PIGL: variants seen among roughly 807,000 people sequenced by gnomAD.
PIGL encodes N-acetylglucosaminyl-phosphatidylinositol de-N-acetylase.
A neutral mutation model predicts 31.1 loss-of-function variants in PIGL; 22 were observed. The ratio of observed to expected loss-of-function variants is 0.71; its 90% CI spans 0.51 to 1.01. The LOEUF (loss-of-function observed/expected upper bound fraction) is 1.01, where lower values mean the gene tolerates loss of function less well. PIGL is among the 50% of genes least tolerant of loss of function. The pLI is 0.00. For synonymous variants in PIGL, 131 were observed against 117.4 expected, an observed-to-expected ratio of 1.12 and a Z score of -0.75; for missense variants, 302 against 315.9, an observed-to-expected ratio of 0.96 and a Z score of 0.33.
In PIGL at chr17:16,231,543, A is replaced by AT. The variant is rs372107300; in HGVS notation, c.236-2419dup. Among the ~76,000 whole-genome samples, 1,039 of 151,358 alleles carry AT rather than the reference A, an allele frequency of 6.9e-3. 15 individuals carry two copies. The highest frequency in any genetic ancestry group is 0.023 in the African/African-American group (950 of 41,352). ...ACATGAGCCACTATGCCCAGCTTTGATTTTTTTTTAACCATATAAATCTAT... is the reference window on the plus strand; with the variant it reads ...ACATGAGCCACTATGCCCAGCTTTGATTTTTTTTTTAACCATATAAATCTAT... On this transcript the variant is annotated intron_variant, in intron 1 of 6. Transcript: ENST00000225609.
intron 5 of PIGL, 169 bp from the exon 6 acceptor site, chr17:16,317,605 CT>C: frequency 7.0e-7 from 1 of 1,425,464 alleles, no homozygotes; most frequent in Non-Finnish European, 9.2e-7. Flanking sequence ...CTCGTTCTAG[CT>C]GCAAGAATCA....
chr17:16,316,215 T>G (rs1195756969), intron 4 of PIGL, among the ~76,000 whole-genome samples: 1 of 152,068 alleles, frequency 6.6e-6, no homozygotes, highest in Non-Finnish European at 1.5e-5. Context: ...CAGTTGACAC[T>G]CCCCTCCTCT....
chr17:16,326,107 C>A lies in PIGL; in HGVS notation c.*209C>A. On this transcript the variant is annotated 3_prime_UTR_variant, in exon 7 of 7. Coordinates refer to ENST00000225609, the MANE Select transcript of PIGL (RefSeq NM_004278.4). The stretch of plus-strand genomic sequence containing the variant: ...AACCCAAAGAACCAAAAACAAACCA[C>A]CCCAAGGATAATAATAGCTACACTG... The A allele has an allele frequency of 1.8e-6, 1 of 559,778 alleles. No individual in the cohort carries two copies. Among genetic ancestry groups the A allele is most frequent in the Non-Finnish European group, 3.2e-6 (1 of 316,648 alleles). 34.7% of individuals were successfully genotyped at this position (559,778 alleles called of 1,614,324 possible).
intron 2 of PIGL, among the ~76,000 whole-genome samples, chr17:16,260,126 G>T (rs1177967473): frequency 6.6e-6 from 1 of 152,192 alleles, no homozygotes; most frequent in Non-Finnish European, 1.5e-5. Context: ...CCGAGGGGGT[G>T]CTGAGGGCAG....
At chr17:16,282,665 C>A (rs1314993720) in intron 2 of PIGL, among the ~76,000 whole-genome samples, 3 of 152,158 alleles carry the variant, frequency 2.0e-5, no homozygotes, top group East Asian at 1.9e-4. Context: ...AGGAAGGTAT[C>A]CTCCTCAAAC....
At chr17:16,246,670 G>GTC (rs2092748930) in intron 2 of PIGL, among the ~76,000 whole-genome samples, 1 of 106,536 alleles carries the variant, frequency 9.4e-6, no homozygotes, top group Non-Finnish European at 2.0e-5. Context: ...CCAGATCAAG[G>GTC]TCTTTTTTTT....
chr17:16,317,867 G>A lies in PIGL; in HGVS notation c.619G>A (p.Val207Ile). ...CTTGTCTCTGCTTCATACGCAGGATGTCCTCTTCGTGCTCAACAGCAAAGA... is the reference window on the plus strand; with the variant it reads ...CTTGTCTCTGCTTCATACGCAGGATATCCTCTTCGTGCTCAACAGCAAAGA... ...LPLSLLHTQD[V>I]LFVLNSKEVA... The change falls in exon 6 of 7, where the codon GTC (valine) becomes ATC (isoleucine). Residue 207 changes from valine (V) to isoleucine (I), a missense_variant. Transcript: ENST00000225609. 1 of 1,614,014 alleles carries A rather than the reference G, an allele frequency of 6.2e-7. No individual in the cohort carries two copies. Among genetic ancestry groups the A allele is most frequent in the Non-Finnish European group, 8.5e-7 (1 of 1,180,040 alleles).
chr17:16,299,130 C>T (rs1430932558), intron 2 of PIGL, among the ~76,000 whole-genome samples: 1 of 151,134 alleles, frequency 6.6e-6, no homozygotes, highest in Non-Finnish European at 1.5e-5. Context: ...ATTGCTTGAA[C>T]CCGGGAGGTG....
chr17:16,277,465 C>T (rs544289539), intron 2 of PIGL, among the ~76,000 whole-genome samples: 2 of 152,210 alleles, frequency 1.3e-5, no homozygotes, highest in South Asian at 2.1e-4. Context: ...AGAAAAATTT[C>T]CTTGGCTCTG....
intron 2 of PIGL, among the ~76,000 whole-genome samples, chr17:16,275,111 TAAG>T (rs996773240): frequency 6.6e-6 from 1 of 152,150 alleles, no homozygotes; most frequent in Non-Finnish European, 1.5e-5. Context: ...GATGCTCCAC[TAAG>T]GACACTTACA....
intron 2 of PIGL, among the ~76,000 whole-genome samples, chr17:16,299,298 T>C (rs2092994840): frequency 6.6e-6 from 1 of 151,462 alleles, no homozygotes; most frequent in African/African-American, 2.4e-5. Context: ...CTACTAAAAA[T>C]ACAAAAATTA....
chr17:16,246,051 C>A (rs571116990), intron 2 of PIGL, among the ~76,000 whole-genome samples: 2 of 149,902 alleles, frequency 1.3e-5, no homozygotes, highest in Non-Finnish European at 3.0e-5. Flanking sequence ...TCTTGATCTA[C>A]TGACCTTGTG....
At chr17:16,270,313 G>A (rs1205350101) in intron 2 of PIGL, among the ~76,000 whole-genome samples, 1 of 150,762 alleles carries the variant, frequency 6.6e-6, no homozygotes, top group Non-Finnish European at 1.5e-5. Context: ...ATTCTAATCA[G>A]ATGCCAGTCT....
chr17:16,250,301 T>A (rs1011685172), intron 2 of PIGL, among the ~76,000 whole-genome samples: 1 of 152,134 alleles, frequency 6.6e-6, no homozygotes, highest in African/African-American at 2.4e-5. Flanking sequence ...TAAATTAAAC[T>A]TCATCATAGT....
chr17:16,274,959 G>C (rs2092888503), intron 2 of PIGL, among the ~76,000 whole-genome samples: 1 of 151,762 alleles, frequency 6.6e-6, no homozygotes, highest in African/African-American at 2.4e-5. Flanking sequence ...TGGAACCCGG[G>C]AGGCAGAGGC....
rs1003973525 is a variant in PIGL at position 16,302,840 on chromosome 17, G to A, written c.426+2862G>A. Among the ~76,000 whole-genome samples the A allele has an allele frequency of 3.9e-5, 6 of 152,046 alleles. No individual in the cohort carries two copies. The East Asian group carries it at 9.6e-4, about 24-fold the overall frequency. On this transcript the variant is annotated intron_variant, in intron 3 of 6. Coordinates refer to ENST00000225609, the MANE Select transcript of PIGL (RefSeq NM_004278.4). ...TCTTGGTCTCCTGACCTCGTGATCC[G>A]CCTTCCCCGGACTTCCAAAATGCTG... is the stretch of plus-strand genomic sequence containing the variant.
intron 2 of PIGL, among the ~76,000 whole-genome samples, chr17:16,290,936 T>G (rs1334664844): frequency 6.6e-6 from 1 of 152,172 alleles, no homozygotes; most frequent in Non-Finnish European, 1.5e-5. Context: ...CACTTTGGCC[T>G]CCCAGAGTGC....
chr17:16,285,184 G>A (rs1233410951), intron 2 of PIGL, among the ~76,000 whole-genome samples: 1 of 152,144 alleles, frequency 6.6e-6, no homozygotes. Context: ...TACTTTATTT[G>A]TTGCAATAAT....
chr17:16,245,271 G>A (rs1005964046), intron 2 of PIGL, among the ~76,000 whole-genome samples: 30 of 151,852 alleles, frequency 2.0e-4, no homozygotes, highest in Middle Eastern at 3.4e-3. Context: ...GATTACAGGC[G>A]CCTGCCACTA....
Sources: allele counts gnomAD v4.1 joint callset (sites outside exome capture counted in the v4.1 genomes callset), GRCh38; gene constraint gnomAD v4.1.1; transcripts MANE v1.5; gene names NCBI Gene and HGNC (gene_info 2026-07-23, HGNC 2026-07-21).